The following GRIP1 variants were observed in gnomAD, a reference collection of about 807,000 sequenced individuals.
GRIP1 encodes the protein glutamate receptor-interacting protein 1.
Under a neutral mutation model 129.9 loss-of-function variants are expected in GRIP1, and 45 were observed. The ratio of observed to expected loss-of-function variants is 0.35; its 90% CI spans 0.27 to 0.44. The LOEUF (loss-of-function observed/expected upper bound fraction) is 0.44. Ranked by LOEUF, GRIP1 falls within the 20% of genes least tolerant of loss-of-function variation. The pLI is 1.00. For missense variants in GRIP1, 1,196 were observed against 1,396.8 expected, an observed-to-expected ratio of 0.86 and a Z score of 2.29; for synonymous variants, 530 against 520.8, an observed-to-expected ratio of 1.02 and a Z score of -0.24.
At chr12:67,015,668 A>G (rs1166371236) in intron 1 of GRIP1, among the ~76,000 whole-genome samples, 1 of 152,210 alleles carries the variant, frequency 6.6e-6, no homozygotes, top group Non-Finnish European at 1.5e-5. Flanking sequence ...AAGGAAACAA[A>G]TAATCCTGCG....
chr12:66,751,599 A>G (rs968503497), intron 1 of GRIP1, among the ~76,000 whole-genome samples: 4 of 152,148 alleles, frequency 2.6e-5, no homozygotes, highest in African/African-American at 9.7e-5. Flanking sequence ...GCTGGTGTGA[A>G]CACCTCAAGG....
intron 1 of GRIP1, among the ~76,000 whole-genome samples, chr12:67,042,793 G>C (rs2043198976): frequency 6.6e-6 from 1 of 152,110 alleles, no homozygotes; most frequent in African/African-American, 2.4e-5. Context: ...ATGACTATGA[G>C]TCATCAGGAT....
chr12:66,510,533 C>A (rs1221923588), intron 7 of GRIP1, among the ~76,000 whole-genome samples: 2 of 152,196 alleles, frequency 1.3e-5, no homozygotes, highest in Non-Finnish European at 2.9e-5. Flanking sequence ...TCAGACTTAG[C>A]ATATCCAAAA....
intron 5 of GRIP1, among the ~76,000 whole-genome samples, chr12:66,524,438 T>A (rs2061147431): frequency 6.6e-6 from 1 of 151,982 alleles, no homozygotes; most frequent in Non-Finnish European, 1.5e-5. Context: ...ACTGGGTACA[T>A]AACGAAATGA....
intron 1 of GRIP1, among the ~76,000 whole-genome samples, chr12:66,914,815 A>T (rs909771322): frequency 2.6e-5 from 4 of 152,134 alleles, no homozygotes; most frequent in African/African-American, 9.7e-5. Flanking sequence ...GATGAGTCTA[A>T]TCAGGGAGCT....
chr12:66,732,519 C>G (rs1448267418), intron 1 of GRIP1, among the ~76,000 whole-genome samples: 1 of 151,790 alleles, frequency 6.6e-6, no homozygotes, highest in Admixed American at 6.6e-5. Context: ...TGTTACTTCA[C>G]TCCAGACTGG....
At chr12:66,483,452 G>C (rs1043281830) in intron 7 of GRIP1, among the ~76,000 whole-genome samples, 1 of 152,174 alleles carries the variant, frequency 6.6e-6, no homozygotes, top group African/African-American at 2.4e-5. Flanking sequence ...AGGAGACACA[G>C]CATGAATATT....
At chr12:66,478,256 A>G (rs2059685727) in intron 7 of GRIP1, among the ~76,000 whole-genome samples, 1 of 152,248 alleles carries the variant, frequency 6.6e-6, no homozygotes, top group Non-Finnish European at 1.5e-5. Flanking sequence ...ACATTTATGC[A>G]GCCAACAGAC....
intron 1 of GRIP1, among the ~76,000 whole-genome samples, chr12:66,652,734 G>C (rs1378140650): frequency 6.6e-6 from 1 of 152,194 alleles, no homozygotes; most frequent in Non-Finnish European, 1.5e-5. Context: ...CACTCCAGGT[G>C]CTTTTCCTGC....
At chr12:66,949,747 C>G (rs1050022489) in intron 1 of GRIP1, among the ~76,000 whole-genome samples, 4 of 148,256 alleles carry the variant, frequency 2.7e-5, no homozygotes, top group Admixed American at 2.0e-4. Flanking sequence ...ACTGATAACA[C>G]TGCATGCTCC....
chr12:66,977,807 ATTTTTTTT>A (rs200381983), intron 1 of GRIP1, among the ~76,000 whole-genome samples: 12 of 60,256 alleles, frequency 2.0e-4, no homozygotes, highest in African/African-American at 7.0e-4. Flanking sequence ...AGAGCTGAGC[ATTTTTTTT>A]TTTTTTTTTT....
chr12:66,996,259 T>C (rs1214682124), intron 1 of GRIP1, among the ~76,000 whole-genome samples: 1 of 152,088 alleles, frequency 6.6e-6, no homozygotes, highest in Non-Finnish European at 1.5e-5. Flanking sequence ...GTGAATATAA[T>C]GAAGTCACTG....
chr12:67,044,367 C>T (rs2043222739), intron 1 of GRIP1, among the ~76,000 whole-genome samples: 1 of 152,196 alleles, frequency 6.6e-6, no homozygotes, highest in South Asian at 2.1e-4. Flanking sequence ...AGAAATTAAG[C>T]TGCTTGGATT....
intron 14 of GRIP1, 68 bp from the exon 15 acceptor site, chr12:66,420,857 C>T (rs968027993): frequency 1.1e-6 from 1 of 895,830 alleles, no homozygotes. Flanking sequence ...TACATTTCCC[C>T]TGTTTTATAA....
chr12:66,479,755 C>T (rs1294772421), intron 7 of GRIP1, among the ~76,000 whole-genome samples: 1 of 152,178 alleles, frequency 6.6e-6, no homozygotes, highest in East Asian at 1.9e-4. Context: ...GAATGCAAGG[C>T]TGGTTCAGCA....
At chr12:66,848,909 T>C (rs894662943) in intron 1 of GRIP1, among the ~76,000 whole-genome samples, 4 of 152,142 alleles carry the variant, frequency 2.6e-5, no homozygotes, top group South Asian at 2.1e-4. Flanking sequence ...AGGATGGCAA[T>C]TGATGGGCTG....
chr12:66,693,776 A>T (rs775515840), intron 1 of GRIP1, among the ~76,000 whole-genome samples: 3 of 152,152 alleles, frequency 2.0e-5, no homozygotes, highest in Non-Finnish European at 2.9e-5. Flanking sequence ...TCTTCATTAG[A>T]TCACTATTGT....
At chr12:66,428,438 C>A (rs1346274657) in intron 14 of GRIP1, among the ~76,000 whole-genome samples, 3 of 152,116 alleles carry the variant, frequency 2.0e-5, no homozygotes, top group South Asian at 2.1e-4. Flanking sequence ...ATAAAGCAAG[C>A]CTTTGTTCCT....
chr12:66,790,251 A>G (rs2038487017), intron 1 of GRIP1, among the ~76,000 whole-genome samples: 1 of 152,180 alleles, frequency 6.6e-6, no homozygotes, highest in Non-Finnish European at 1.5e-5. Flanking sequence ...TTCCAGCTAC[A>G]TAGGTCCTTC....
Sources: gnomAD v4.1 joint callset for allele counts (sites outside exome capture counted in the v4.1 genomes callset) on GRCh38, gnomAD v4.1.1 for gene constraint, MANE v1.5 for transcripts, NCBI Gene and HGNC (gene_info 2026-07-23, HGNC 2026-07-21) for gene names.